DDX10: variants seen among roughly 807,000 people sequenced by gnomAD.
The protein encoded by DDX10 is DEAD-box helicase 10, also known as probable ATP-dependent RNA helicase DDX10.
DDX10 carries 74 observed loss-of-function variants against 104.3 expected under a neutral mutation model. The observed-to-expected ratio is 0.71, with a 90% CI of 0.59 to 0.86. DDX10 has a LOEUF of 0.86. DDX10 is among the 40% of genes least tolerant of loss of function. DDX10 has a pLI of 0.00. For missense variants in DDX10, 952 were observed against 1,040.0 expected (o/e 0.92, Z 1.16); for synonymous variants, 351 against 353.4 (o/e 0.99, Z 0.08).
chr11:108,866,876 AATAATGGAC>A (rs1863013878), intron 16 of DDX10, among the ~76,000 whole-genome samples: 1 of 152,206 alleles, frequency 6.6e-6, no homozygotes, highest in South Asian at 2.1e-4. Context: ...TAAAAGATAA[AATAATGGAC>A]ATAATTATAG....
intron 13 of DDX10, among the ~76,000 whole-genome samples, chr11:108,724,728 A>T (rs995117691): frequency 4.6e-5 from 7 of 152,118 alleles, no homozygotes; most frequent in African/African-American, 1.2e-4. Context: ...ATGAGAAGGA[A>T]TGATATAGTT....
At chr11:108,892,000 A>C (rs2134640674) in intron 16 of DDX10, among the ~76,000 whole-genome samples, 1 of 152,162 alleles carries the variant, frequency 6.6e-6, no homozygotes, top group East Asian at 1.9e-4. Context: ...GAGACCTGGA[A>C]AGCCTGCACA....
At chr11:108,749,802 G>A (rs1310022584) in intron 13 of DDX10, among the ~76,000 whole-genome samples, 2 of 152,018 alleles carry the variant, frequency 1.3e-5, no homozygotes, top group Non-Finnish European at 2.9e-5. Context: ...TATTAAAATG[G>A]CCATTTATCG....
In DDX10 at chr11:108,940,400, C is replaced by A. The variant is rs760187114; in HGVS notation, c.2605C>A (p.His869Asn). The part of the protein sequence containing the change: ...SLAEDEELVL[H>N]LLRSQS ...AGCAGAGGATGAAGAGCTGGTGTTA[C>A]ATCTGCTAAGAAGTCAAAGCTAAAT... Residue 869 changes from histidine to asparagine, a missense_variant, in exon 18 of 18, where the codon CAT becomes AAT. His to Asn is a moderately conservative substitution (Grantham distance 68). Coordinates refer to ENST00000322536, the MANE Select transcript of DDX10 (RefSeq NM_004398.4). 1 of 1,613,824 alleles carries A rather than the reference C, an allele frequency of 6.2e-7. No homozygotes were observed.
intron 1 of DDX10, among the ~76,000 whole-genome samples, chr11:108,669,186 T>G (rs2094213925): frequency 6.6e-6 from 1 of 151,890 alleles, no homozygotes; most frequent in Non-Finnish European, 1.5e-5. Flanking sequence ...CTTGACCTCC[T>G]GGGCTCAAGT....
rs193012664 is a variant in DDX10 at position 108,756,289 on chromosome 11, A to G, written c.1965+32827A>G. Among the ~76,000 whole-genome samples, 497 of 152,152 alleles carry G rather than the reference A, an allele frequency of 3.3e-3. 2 individuals are homozygous for G. Among genetic ancestry groups the G allele is most frequent in the Admixed American group, 8.7e-3 (132 of 15,228 alleles). On this transcript the variant is annotated intron_variant, in intron 13 of 17. Transcript: ENST00000322536. ...GCTTATGGTGTCCTGTATGATTCTTATATGGAAAAGAATTTACTAGTGCTG... is the reference window on the plus strand; with the variant it reads ...GCTTATGGTGTCCTGTATGATTCTTGTATGGAAAAGAATTTACTAGTGCTG...
At chr11:108,877,121 C>T (rs1247851746) in intron 16 of DDX10, among the ~76,000 whole-genome samples, 3 of 152,074 alleles carry the variant, frequency 2.0e-5, no homozygotes, top group African/African-American at 7.2e-5. Flanking sequence ...ATATATAGCC[C>T]CCATTGTGAA....
At chr11:108,671,378 G>A (rs2094216803) in intron 1 of DDX10, among the ~76,000 whole-genome samples, 2 of 152,314 alleles carry the variant, frequency 1.3e-5, no homozygotes, top group South Asian at 2.1e-4. Flanking sequence ...TGGCCAGGCT[G>A]GTCTTGAACT....
At chr11:108,834,830 A>G (rs1265253408) in intron 13 of DDX10, among the ~76,000 whole-genome samples, 1 of 144,902 alleles carries the variant, frequency 6.9e-6, no homozygotes, top group Non-Finnish European at 1.5e-5. Flanking sequence ...CCGGAGGCTG[A>G]GGCAGGAGAA....
chr11:108,909,297 G>A (rs1361578786), intron 16 of DDX10, among the ~76,000 whole-genome samples: 1 of 152,166 alleles, frequency 6.6e-6, no homozygotes, highest in Admixed American at 6.5e-5. Flanking sequence ...TGGGACGGTG[G>A]CCCACCCAGG....
intron 13 of DDX10, among the ~76,000 whole-genome samples, chr11:108,795,937 G>A (rs937518140): frequency 2.0e-5 from 3 of 152,126 alleles, no homozygotes; most frequent in Non-Finnish European, 4.4e-5. Context: ...CACAATGGTC[G>A]AACTAGTTTA....
intron 16 of DDX10, among the ~76,000 whole-genome samples, chr11:108,911,918 G>A (rs979751026): frequency 2.0e-5 from 3 of 152,096 alleles, no homozygotes; most frequent in African/African-American, 7.2e-5. Context: ...GCATGTTTTT[G>A]TAAGGCATCC....
intron 7 of DDX10, chr11:108,690,947 C>G (rs2094251681): frequency 6.6e-6 from 1 of 152,544 alleles, no homozygotes; most frequent in Admixed American, 6.5e-5. Flanking sequence ...GCACCAGCAT[C>G]ATCTGCCATT....
intron 13 of DDX10, among the ~76,000 whole-genome samples, chr11:108,802,010 G>GGGGTGTGTGT (rs1555026955): frequency 7.0e-6 from 1 of 141,944 alleles, no homozygotes; most frequent in Admixed American, 7.0e-5. Flanking sequence ...AAGTGAGTGG[G>GGGGTGTGTGT]GTGTGTGTGT....
At chr11:108,935,656 A>G (rs553208644) in intron 17 of DDX10, among the ~76,000 whole-genome samples, 88 of 152,314 alleles carry the variant, frequency 5.8e-4, no homozygotes, top group African/African-American at 2.0e-3. Flanking sequence ...GCTGATATAT[A>G]AGACTGAAAA....
At chr11:108,820,669 A>G (rs1380932051) in intron 13 of DDX10, among the ~76,000 whole-genome samples, 2 of 152,112 alleles carry the variant, frequency 1.3e-5, no homozygotes, top group African/African-American at 2.4e-5. Context: ...CTGCCTTGCT[A>G]AGGGAGGAAG....
chr11:108,815,141 A>G (rs950222487), intron 13 of DDX10, among the ~76,000 whole-genome samples: 3 of 152,188 alleles, frequency 2.0e-5, no homozygotes, highest in African/African-American at 7.2e-5. Context: ...ACAAAAATCA[A>G]GCATATTCCT....
At chr11:108,880,031 C>G (rs1863206560) in intron 16 of DDX10, among the ~76,000 whole-genome samples, 1 of 152,210 alleles carries the variant, frequency 6.6e-6, no homozygotes, top group African/African-American at 2.4e-5. Context: ...TGACAAAATA[C>G]TTTCTTAGCA....
intron 11 of DDX10, among the ~76,000 whole-genome samples, chr11:108,718,680 G>T (rs908452255): frequency 2.0e-5 from 3 of 152,196 alleles, no homozygotes; most frequent in African/African-American, 7.2e-5. Flanking sequence ...TGATTTATTG[G>T]TTGTCACGCA....
Sources: allele counts gnomAD v4.1 joint callset (sites outside exome capture counted in the v4.1 genomes callset), GRCh38; gene constraint gnomAD v4.1.1; transcripts MANE v1.5; gene names NCBI Gene and HGNC (gene_info 2026-07-23, HGNC 2026-07-21).